The following CREB5 variants were observed in gnomAD, a reference collection of about 807,000 sequenced individuals.
CREB5 encodes the protein cyclic AMP-responsive element-binding protein 5.
Under a neutral mutation model 57.1 loss-of-function variants are expected in CREB5, and 19 were observed. The ratio of observed to expected loss-of-function variants is 0.33; its 90% CI spans 0.23 to 0.49. The LOEUF (loss-of-function observed/expected upper bound fraction) is 0.49. Ranked by LOEUF, CREB5 falls within the 20% of genes least tolerant of loss-of-function variation. CREB5 has a pLI of 0.99. For missense variants in CREB5, 579 were observed against 671.6 expected, an observed-to-expected ratio of 0.86 and a Z score of 1.52; for synonymous variants, 238 against 238.3, an observed-to-expected ratio of 1.00 and a Z score of 0.01.
intron 4 of CREB5, among the ~76,000 whole-genome samples, chr7:28,558,858 C>CGTAT (rs1052197483): frequency 2.0e-5 from 3 of 152,108 alleles, no homozygotes; most frequent in Non-Finnish European, 2.9e-5. Context: ...TACTTTTATA[C>CGTAT]GTGTCCTTAT....
chr7:28,346,524 C>T (rs1226011931), intron 1 of CREB5, among the ~76,000 whole-genome samples: 2 of 152,220 alleles, frequency 1.3e-5, no homozygotes, highest in Non-Finnish European at 2.9e-5. Flanking sequence ...TTTGGAGGAA[C>T]ACAAACATTC....
rs1163876217 is a variant in CREB5, at chr7:28,824,906, T to C, written c.*5627T>C. The stretch of plus-strand genomic sequence containing the variant: ...GAAAGGAATCAATAATTACCAACTG[T>C]TGTATTTAGACCAACTTACAATATC... On this transcript the variant is annotated 3_prime_UTR_variant, in exon 11 of 11. Transcript: ENST00000357727. 6.6e-6 allele frequency: 1 copy of C among 152,640 alleles called. No homozygotes were observed. 9.5% of individuals were successfully genotyped at this position (152,640 alleles called of 1,614,324 possible).
chr7:28,415,882 G>A (rs1788004519), intron 1 of CREB5, among the ~76,000 whole-genome samples: 1 of 152,184 alleles, frequency 6.6e-6, no homozygotes, highest in Middle Eastern at 3.2e-3. Context: ...CCTAGGATCT[G>A]TCTGTAATAC....
intron 1 of CREB5, among the ~76,000 whole-genome samples, chr7:28,393,974 C>T (rs1787281956): frequency 6.8e-6 from 1 of 146,210 alleles, no homozygotes; most frequent in Non-Finnish European, 1.5e-5. Context: ...ACTGGGGAGG[C>T]TGAGGCAGGA....
intron 5 of CREB5, among the ~76,000 whole-genome samples, chr7:28,654,422 A>G (rs537860673): frequency 2.0e-5 from 3 of 152,342 alleles, no homozygotes; most frequent in African/African-American, 7.2e-5. Flanking sequence ...GTTTAAATCA[A>G]TACATAATGA....
intron 5 of CREB5, among the ~76,000 whole-genome samples, chr7:28,628,566 G>T (rs536371962): frequency 1.3e-5 from 2 of 152,270 alleles, no homozygotes; most frequent in South Asian, 4.1e-4. Context: ...GGTAGCCAGT[G>T]GCAGAAGAAA....
chr7:28,774,813 G>A (rs980004897), intron 7 of CREB5, among the ~76,000 whole-genome samples: 4 of 152,180 alleles, frequency 2.6e-5, no homozygotes, highest in African/African-American at 9.6e-5. Context: ...TTTGTTAATA[G>A]AGATGAAATT....
chr7:28,593,616 TG>T, intron 5 of CREB5, among the ~76,000 whole-genome samples: 1 of 152,300 alleles, frequency 6.6e-6, no homozygotes, highest in Admixed American at 6.5e-5. Flanking sequence ...CATCCATAAG[TG>T]GAGACATTTC....
chr7:28,551,652 C>T (rs916858069), intron 4 of CREB5, among the ~76,000 whole-genome samples: 1 of 152,150 alleles, frequency 6.6e-6, no homozygotes, highest in African/African-American at 2.4e-5. Flanking sequence ...AAAAAGAAAG[C>T]TCTGAGTGGT....
intron 5 of CREB5, among the ~76,000 whole-genome samples, chr7:28,698,197 C>T (rs4140850): frequency 1 from 151,606 of 152,238 alleles, 75,492 homozygotes; most frequent in Middle Eastern, 1. Context: ...ACATTTTTAC[C>T]GAACGCAAAA....
chr7:28,477,280 C>G (rs775909710), intron 1 of CREB5, among the ~76,000 whole-genome samples: 1 of 152,116 alleles, frequency 6.6e-6, no homozygotes, highest in Non-Finnish European at 1.5e-5. Context: ...TTCCCTTCCC[C>G]TTTCTTCAGC....
intron 7 of CREB5, among the ~76,000 whole-genome samples, chr7:28,736,855 T>C (rs1804012352): frequency 1.4e-5 from 2 of 148,108 alleles, no homozygotes; most frequent in African/African-American, 4.9e-5. Flanking sequence ...AGTAGGCCCC[T>C]GATGTTCCTC....
At chr7:28,377,153 C>G (rs1786848595) in intron 1 of CREB5, among the ~76,000 whole-genome samples, 1 of 152,134 alleles carries the variant, frequency 6.6e-6, no homozygotes, top group African/African-American at 2.4e-5. Flanking sequence ...GTATCCCTTC[C>G]TAACATATAG....
chr7:28,738,205 A>T (rs989299732), intron 7 of CREB5, among the ~76,000 whole-genome samples: 8 of 152,206 alleles, frequency 5.3e-5, no homozygotes, highest in African/African-American at 1.9e-4. Context: ...TAGCCCTGAG[A>T]CTTAATTATC....
chr7:28,535,291 C>A lies in CREB5; in HGVS notation c.291+27554C>A, dbSNP rs1316530318. On this transcript the variant is annotated intron_variant, in intron 4 of 10. Coordinates refer to ENST00000357727, the MANE Select transcript of CREB5 (RefSeq NM_182898.4). ...TGCAAATAGTCCTCTGTGGTTAAAC[C>A]AATTTCTTTAGGAAAAGTGAAAGGA... Among the ~76,000 whole-genome samples the A allele has an allele frequency of 7.2e-5, 9 of 124,488 alleles. 1 individual carries two copies. The highest frequency in any genetic ancestry group is 7.8e-3 in the Middle Eastern group (2 of 258). 81.7% of individuals were successfully genotyped at this position (124,488 alleles called of 152,430 possible). A position where few individuals can be genotyped will look rare whatever the true frequency, so the allele number is the denominator to read the frequency against.
At chr7:28,552,026 T>TCTCTCTTTTCTCTCTCCTCTCTTC (rs1794689740) in intron 4 of CREB5, among the ~76,000 whole-genome samples, 1 of 150,914 alleles carries the variant, frequency 6.6e-6, no homozygotes, top group Non-Finnish European at 1.5e-5. Context: ...TCTCTCTCTT[T>TCTCTCTTTTCTCTCTCCTCTCTTC]CTCTCTTTTC....
intron 5 of CREB5, among the ~76,000 whole-genome samples, chr7:28,632,979 G>A (rs772793293): frequency 2.7e-4 from 41 of 152,240 alleles, no homozygotes; most frequent in Middle Eastern, 3.4e-3. Context: ...GCTGAAAGAT[G>A]AATGTTTGAA....
chr7:28,468,508 G>A (rs569349998), intron 1 of CREB5, among the ~76,000 whole-genome samples: 3 of 152,202 alleles, frequency 2.0e-5, no homozygotes, highest in African/African-American at 7.2e-5. Context: ...AGATCTGCTC[G>A]ACCAAGGATC....
intron 7 of CREB5, among the ~76,000 whole-genome samples, chr7:28,734,501 T>A (rs909113352): frequency 2.0e-5 from 3 of 152,256 alleles, no homozygotes; most frequent in African/African-American, 7.2e-5. Context: ...CTAATTTATC[T>A]TATGGGGTTT....
Sources: allele counts gnomAD v4.1 joint callset (sites outside exome capture counted in the v4.1 genomes callset), GRCh38; gene constraint gnomAD v4.1.1; transcripts MANE v1.5; gene names NCBI Gene and HGNC (gene_info 2026-07-23, HGNC 2026-07-21).